The following ANKS3 variants were observed in gnomAD, a reference collection of about 807,000 sequenced individuals.
ANKS3 encodes the protein ankyrin repeat and sterile alpha motif domain containing 3, also known as ankyrin repeat and SAM domain-containing protein 3.
A neutral mutation model predicts 80.7 loss-of-function variants in ANKS3; 62 were observed. The ratio of observed to expected loss-of-function variants is 0.77; its 90% CI spans 0.63 to 0.95. The LOEUF is 0.95. Among genes scored for constraint, ANKS3 ranks in the 40% least tolerant of loss-of-function variants. The probability of loss-of-function intolerance (pLI) is 0.00; values close to 1 mark genes in which losing one functional copy is unlikely to be tolerated. For missense variants in ANKS3, 1,150 were observed against 883.6 expected, an observed-to-expected ratio of 1.30 and a Z score of -3.82; for synonymous variants, 489 against 355.3, an observed-to-expected ratio of 1.38 and a Z score of -4.23.
At chr16:4,731,622 G>C (rs749666962) in intron 1 of ANKS3, 43 bp from the exon 2 acceptor site, 4 of 908,170 alleles carry the variant, frequency 4.4e-6, no homozygotes, top group Non-Finnish European at 5.3e-6. Context: ...GAATGGTTAT[G>C]AAATTGAAAA....
chr16:4,729,846 T>A, intron 3 of ANKS3, 134 bp downstream of exon 3: 1 of 897,328 alleles, frequency 1.1e-6, no homozygotes, highest in Non-Finnish European at 1.5e-6. Flanking sequence ...TACTGACAGC[T>A]GCCTGAGATA....
chr16:4,711,172 C>G (rs1487030301), intron 7 of ANKS3, among the ~76,000 whole-genome samples: 1 of 138,752 alleles, frequency 7.2e-6, no homozygotes, highest in Non-Finnish European at 1.5e-5. Flanking sequence ...GGCACGATCT[C>G]GGCTCACCTC....
At chr16:4,719,392 T>A (rs1471035500) in intron 6 of ANKS3, among the ~76,000 whole-genome samples, 2 of 152,194 alleles carry the variant, frequency 1.3e-5, no homozygotes, top group African/African-American at 4.8e-5. Flanking sequence ...TGATCTCCAG[T>A]TCTACCTTAC....
In ANKS3 at chr16:4,697,362, C is replaced by T. The variant is rs1260323995; in HGVS notation, c.1865G>A (p.Gly622Glu). 1.2e-6 allele frequency: 2 copies of T among 1,610,098 alleles called. No homozygotes were observed. The highest frequency in any genetic ancestry group is 1.7e-5 in the Admixed American group (1 of 59,786). Residue 622 changes from glycine to glutamate, a missense_variant, in exon 16 of 18, where the codon GGA becomes GAA. By Grantham distance (98) the Gly-to-Glu change is moderately conservative. Coordinates refer to ENST00000304283, the MANE Select transcript of ANKS3 (RefSeq NM_133450.4). ...LQAMSLPELS[G>E]ALEDRVREMG... Reference sequence around the variant, plus strand: ...CTCACGGACACGGTCCTCCAGGGCTCCCGAGAGCTCGGGGAGGCTCATGGC... The same window carrying T: ...CTCACGGACACGGTCCTCCAGGGCTTCCGAGAGCTCGGGGAGGCTCATGGC...
At chr16:4,727,738 T>C (rs545040867) in intron 3 of ANKS3, 1 of 154,128 alleles carries the variant, frequency 6.5e-6, no homozygotes, top group African/African-American at 2.4e-5. Flanking sequence ...CACTGATTCA[T>C]CCTTTGTCAC....
chr16:4,709,954 T>C (rs2080397637), intron 7 of ANKS3, among the ~76,000 whole-genome samples: 1 of 152,184 alleles, frequency 6.6e-6, no homozygotes, highest in South Asian at 2.1e-4. Flanking sequence ...GAGGCTGCAG[T>C]GAGCCAAGAT....
intron 12 of ANKS3, 44 bp from the exon 13 acceptor site, chr16:4,698,985 G>C (rs1344936747): frequency 6.2e-7 from 1 of 1,613,704 alleles, no homozygotes. Flanking sequence ...CGTCCCAAGA[G>C]CGCTTACATG....
At chr16:4,708,838 C>G (rs2080337458) in intron 7 of ANKS3, among the ~76,000 whole-genome samples, 1 of 151,698 alleles carries the variant, frequency 6.6e-6, no homozygotes, top group Non-Finnish European at 1.5e-5. Flanking sequence ...ACTCAAAAGG[C>G]TGAGGCAGGA....
chr16:4,727,059 C>A lies in ANKS3; in HGVS notation c.289G>T (p.Val97Leu), dbSNP rs1317441768. 6.2e-7 allele frequency: 1 copy of A among 1,614,178 alleles called. No individual in the cohort carries two copies. Among genetic ancestry groups the A allele is most frequent in the East Asian group, 2.2e-5 (1 of 44,890 alleles). ...GGAGTCTGCCCTTCTGGGGTCGGCA[C>A]ATTCACACTCACCCCCGCCTCAAGC... is the stretch of plus-strand genomic sequence containing the variant. ...LLLEAGVSVN[V>L]PTPEGQTPLM... The change falls in exon 4 of 18, where the codon GTG (valine) becomes TTG (leucine). Residue 97 changes from valine (V) to leucine (L), a missense_variant. Coordinates refer to ENST00000304283, the MANE Select transcript of ANKS3 (RefSeq NM_133450.4).
intron 7 of ANKS3, among the ~76,000 whole-genome samples, chr16:4,708,883 G>C (rs1309537784): frequency 6.6e-6 from 1 of 151,516 alleles, no homozygotes; most frequent in African/African-American, 2.4e-5. Context: ...GGGTTGCAGT[G>C]AGCCGAGATC....
chr16:4,725,140 G>T (rs2081289768), intron 5 of ANKS3: 2 of 234,826 alleles, frequency 8.5e-6, no homozygotes, highest in South Asian at 2.7e-4. Context: ...TCAAAAAGCT[G>T]TTCTAATTCC....
chr16:4,703,534 C>T (rs1356743714), intron 8 of ANKS3, among the ~76,000 whole-genome samples: 1 of 151,918 alleles, frequency 6.6e-6, no homozygotes, highest in East Asian at 1.9e-4. Context: ...GATTCTCCTG[C>T]CTCAGCCTCC....
chr16:4,701,649 C>A, intron 9 of ANKS3, 106 bp from the exon 10 acceptor site: 1 of 937,620 alleles, frequency 1.1e-6, no homozygotes, highest in East Asian at 2.7e-5. Flanking sequence ...TTGGGGCCTG[C>A]AGCGGTTGCT....
chr16:4,713,482 C>G (rs1055387724), intron 7 of ANKS3, among the ~76,000 whole-genome samples: 50 of 151,990 alleles, frequency 3.3e-4, no homozygotes, highest in Admixed American at 5.9e-4. Context: ...AGGGAAAACC[C>G]CATTTACAAT....
rs370365433 is a variant in ANKS3 at position 4,697,288 on chromosome 16, C to T, written c.1894+45G>A. 543 of 1,565,920 alleles carry T rather than the reference C, an allele frequency of 3.5e-4. 3 individuals carry two copies. Among genetic ancestry groups the T allele is most frequent in the South Asian group, 3.1e-3 (267 of 87,318 alleles). On this transcript the variant is annotated intron_variant, in intron 16 of 17. Transcript: ENST00000304283. ...TGGAAAGGGGTCCCTTTGCCTCCCT[C>T]GGAAACAAAAGGAGCGCTCAGTCGT...
chr16:4,704,978 C>T, intron 8 of ANKS3, 117 bp downstream of exon 8: 1 of 1,390,712 alleles, frequency 7.2e-7, no homozygotes, highest in Non-Finnish European at 9.7e-7. Context: ...ACCTGTCCCG[C>T]TGCCACCTGA....
intron 7 of ANKS3, among the ~76,000 whole-genome samples, chr16:4,711,587 G>A (rs1457383647): frequency 6.6e-6 from 1 of 151,602 alleles, no homozygotes; most frequent in Non-Finnish European, 1.5e-5. Context: ...GCATGGTAGC[G>A]CATGCCTGTA....
intron 6 of ANKS3, among the ~76,000 whole-genome samples, chr16:4,716,249 A>G (rs1395056815): frequency 6.7e-6 from 1 of 150,176 alleles, no homozygotes; most frequent in African/African-American, 2.5e-5. Flanking sequence ...AGTCCCAGCT[A>G]CTCCGGGGGG....
intron 8 of ANKS3, among the ~76,000 whole-genome samples, chr16:4,703,208 G>A (rs1011284607): frequency 7.9e-5 from 12 of 152,146 alleles, no homozygotes; most frequent in Non-Finnish European, 1.2e-4. Context: ...GACCTCCTGG[G>A]CTCAAGCAAT....
Sources: allele counts gnomAD v4.1 joint callset (sites outside exome capture counted in the v4.1 genomes callset), GRCh38; gene constraint gnomAD v4.1.1; transcripts MANE v1.5; gene names NCBI Gene and HGNC (gene_info 2026-07-23, HGNC 2026-07-21).